ASTN1: variants seen among roughly 807,000 people sequenced by gnomAD.
ASTN1 encodes astrotactin-1.
A neutral mutation model predicts 140.7 loss-of-function variants in ASTN1; 41 were observed. That is an observed-to-expected ratio of 0.29 (90% CI 0.23 to 0.38). The LOEUF (loss-of-function observed/expected upper bound fraction) is 0.38, where lower values mean the gene tolerates loss of function less well. Ranked by LOEUF, ASTN1 falls within the 10% of genes least tolerant of loss-of-function variation. The probability of loss-of-function intolerance (pLI) is 1.00; values close to 1 mark genes in which losing one functional copy is unlikely to be tolerated. For synonymous variants in ASTN1, 640 were observed against 652.2 expected, an observed-to-expected ratio of 0.98 and a Z score of 0.29; for missense variants, 1,479 against 1,678.8, an observed-to-expected ratio of 0.88 and a Z score of 2.08.
At chr1:176,990,675 G>A (rs1183553986) in intron 8 of ASTN1, among the ~76,000 whole-genome samples, 1 of 152,002 alleles carries the variant, frequency 6.6e-6, no homozygotes, top group Non-Finnish European at 1.5e-5. Context: ...ACAAATAGGA[G>A]AACCTAGGTA....
At chr1:176,896,527 C>T (rs911815614) in intron 16 of ASTN1, among the ~76,000 whole-genome samples, 4 of 152,136 alleles carry the variant, frequency 2.6e-5, no homozygotes, top group Non-Finnish European at 5.9e-5. Context: ...CACCAGGCCC[C>T]CAATCTTTTT....
intron 11 of ASTN1, among the ~76,000 whole-genome samples, chr1:176,954,545 C>T (rs976946286): frequency 2.6e-5 from 4 of 152,168 alleles, no homozygotes; most frequent in Admixed American, 6.5e-5. Context: ...ATATGTGTAA[C>T]TTATAGCCAC....
chr1:176,859,896 A>G (rs1379037968), downstream of ASTN1, among the ~76,000 whole-genome samples: 2 of 152,192 alleles, frequency 1.3e-5, no homozygotes, highest in African/African-American at 4.8e-5. Flanking sequence ...CAGGGTGATT[A>G]TTCTCTTTCA....
At chr1:177,079,832 C>T (rs1293117667) in intron 1 of ASTN1, among the ~76,000 whole-genome samples, 1 of 152,094 alleles carries the variant, frequency 6.6e-6, no homozygotes, top group Non-Finnish European at 1.5e-5. Context: ...ACAGAACGTT[C>T]GCTCATAAAC....
At chr1:176,958,906 C>G (rs1347691559) in intron 9 of ASTN1, among the ~76,000 whole-genome samples, 2 of 152,188 alleles carry the variant, frequency 1.3e-5, no homozygotes, top group Middle Eastern at 3.4e-3. Context: ...CTGGAGGAAC[C>G]CTAACAAAGA....
chr1:176,997,328 G>A (rs143755681), intron 8 of ASTN1, among the ~76,000 whole-genome samples: 30 of 152,254 alleles, frequency 2.0e-4, no homozygotes, highest in African/African-American at 7.0e-4. Context: ...GTTAGTAAGA[G>A]GTACAGCCAG....
chr1:177,160,009 A>T (rs1647266356), intron 1 of ASTN1, among the ~76,000 whole-genome samples: 1 of 152,246 alleles, frequency 6.6e-6, no homozygotes, highest in African/African-American at 2.4e-5. Flanking sequence ...AGGATATTCA[A>T]GAAGTATTTG....
chr1:177,154,373 A>C (rs1417178338), intron 1 of ASTN1, among the ~76,000 whole-genome samples: 1 of 152,214 alleles, frequency 6.6e-6, no homozygotes, highest in African/African-American at 2.4e-5. Flanking sequence ...AAACTCATTA[A>C]AATGTAAACA....
chr1:176,919,974 T>C (rs1242406937), intron 16 of ASTN1, among the ~76,000 whole-genome samples: 2 of 152,268 alleles, frequency 1.3e-5, no homozygotes, highest in South Asian at 2.1e-4. Context: ...CTGGCAGATT[T>C]ATCGAGAAAT....
At chr1:176,969,268 C>T (rs1017365661) in intron 8 of ASTN1, among the ~76,000 whole-genome samples, 1 of 152,194 alleles carries the variant, frequency 6.6e-6, no homozygotes, top group African/African-American at 2.4e-5. Flanking sequence ...CTCTCGCCTC[C>T]CTTTGCTCTG....
chr1:177,013,588 A>G (rs181026970), intron 8 of ASTN1, among the ~76,000 whole-genome samples: 4 of 152,296 alleles, frequency 2.6e-5, no homozygotes, highest in East Asian at 1.9e-4. Flanking sequence ...TCTCATCAGA[A>G]TCACACGGAA....
At chr1:177,133,822 T>A (rs1176645495) in intron 1 of ASTN1, among the ~76,000 whole-genome samples, 1 of 152,208 alleles carries the variant, frequency 6.6e-6, no homozygotes, top group African/African-American at 2.4e-5. Context: ...ATTGTATGCT[T>A]ATGCTCTAGA....
intron 8 of ASTN1, among the ~76,000 whole-genome samples, chr1:177,002,250 T>C (rs532357653): frequency 6.6e-6 from 1 of 152,198 alleles, no homozygotes; most frequent in East Asian, 1.9e-4. Context: ...GTCACCCCAA[T>C]TGTTGAAGTT....
At chr1:176,940,851 T>C (rs1038607411) in intron 14 of ASTN1, among the ~76,000 whole-genome samples, 2 of 152,334 alleles carry the variant, frequency 1.3e-5, no homozygotes, top group South Asian at 2.1e-4. Flanking sequence ...TCTAGTTAAA[T>C]AGACTCGGGA....
intron 2 of ASTN1, among the ~76,000 whole-genome samples, chr1:177,039,873 A>G (rs912157669): frequency 4.6e-5 from 7 of 152,202 alleles, no homozygotes; most frequent in Non-Finnish European, 1.0e-4. Context: ...CAGACCAAGG[A>G]GATGATGGAG....
intron 1 of ASTN1, among the ~76,000 whole-genome samples, chr1:177,155,729 A>C (rs891274609): frequency 1.3e-5 from 2 of 152,218 alleles, no homozygotes; most frequent in African/African-American, 4.8e-5. Context: ...ATGAGAGCTA[A>C]TGTTAATTAG....
chr1:177,163,446 C>T (rs1647508114), intron 1 of ASTN1, among the ~76,000 whole-genome samples: 1 of 152,102 alleles, frequency 6.6e-6, no homozygotes, highest in South Asian at 2.1e-4. Context: ...AGCAGGACCA[C>T]AAAACCTTTG....
chr1:177,119,738 T>C (rs922242268), intron 1 of ASTN1, among the ~76,000 whole-genome samples: 15 of 152,206 alleles, frequency 9.9e-5, no homozygotes, highest in African/African-American at 3.6e-4. Flanking sequence ...TTAATGTCTC[T>C]GTACTTCATT....
chr1:177,022,968 G>A (rs893654322), intron 7 of ASTN1, among the ~76,000 whole-genome samples: 1 of 152,042 alleles, frequency 6.6e-6, no homozygotes, highest in South Asian at 2.1e-4. Flanking sequence ...AGACTGGAAG[G>A]GAGGACATTA....
Sources: gnomAD v4.1 joint callset for allele counts (sites outside exome capture counted in the v4.1 genomes callset) on GRCh38, gnomAD v4.1.1 for gene constraint, MANE v1.5 for transcripts, NCBI Gene and HGNC (gene_info 2026-07-23, HGNC 2026-07-21) for gene names.